DMD: variants seen among roughly 807,000 people sequenced by gnomAD.
DMD encodes dystrophin, also known as mutant dystrophin.
A neutral mutation model predicts 330.1 loss-of-function variants in DMD; 63 were observed. The observed-to-expected ratio is 0.19, with a 90% CI of 0.16 to 0.24. DMD has a LOEUF of 0.24. DMD is among the 10% of genes least tolerant of loss of function. The pLI is 1.00. For synonymous variants in DMD, 1,223 were observed against 959.8 expected, an observed-to-expected ratio of 1.27 and a Z score of -5.07; for missense variants, 3,344 against 2,684.1, an observed-to-expected ratio of 1.25 and a Z score of -5.43.
At chrX:32,562,757 G>A (rs2051172760) in intron 16 of DMD, among the ~76,000 whole-genome samples, 1 of 111,658 alleles carries the variant, frequency 9.0e-6, no homozygotes, top group Admixed American at 9.6e-5. Flanking sequence ...AAGAAAATCA[G>A]TTGCTCTTAT....
At chrX:33,292,961 C>T (rs1454981003) in intron 1 of DMD, among the ~76,000 whole-genome samples, 1 of 110,310 alleles carries the variant, frequency 9.1e-6, no homozygotes, top group Admixed American at 9.7e-5. Flanking sequence ...TTCTGTTATC[C>T]AGATCATCAC....
At chrX:33,197,760 T>A (rs190866063) in intron 1 of DMD, among the ~76,000 whole-genome samples, 240 of 111,610 alleles carry the variant, frequency 2.2e-3, no homozygotes, top group African/African-American at 7.3e-3. Context: ...GAATATTGAG[T>A]ATCAGTAGTT....
chrX:31,708,093 T>C (rs1255684836), intron 52 of DMD, among the ~76,000 whole-genome samples: 1 of 112,071 alleles, frequency 8.9e-6, no homozygotes, highest in Non-Finnish European at 1.9e-5. Flanking sequence ...TAAAAATAGA[T>C]GTTTATATTT....
chrX:32,033,233 C>T (rs980509831), intron 44 of DMD, among the ~76,000 whole-genome samples: 5 of 110,401 alleles, frequency 4.5e-5, no homozygotes, highest in African/African-American at 1.6e-4. Context: ...GGGGATAGGG[C>T]GAAATAGGAA....
chrX:31,527,098 G>A (rs1440242410), intron 55 of DMD, among the ~76,000 whole-genome samples: 2 of 111,431 alleles, frequency 1.8e-5, no homozygotes, highest in Non-Finnish European at 3.8e-5. Flanking sequence ...CTGGGTGACA[G>A]GGTATGACCC....
chrX:32,531,150 G>C (rs999211690), intron 17 of DMD, among the ~76,000 whole-genome samples: 12 of 111,570 alleles, frequency 1.1e-4, no homozygotes, highest in Admixed American at 1.1e-3. Context: ...AGATAAAATA[G>C]TGTACAAATA....
intron 1 of DMD, among the ~76,000 whole-genome samples, chrX:33,145,886 CTTTA>C (rs773923377): frequency 0.01 from 1,130 of 109,425 alleles, 8 homozygotes; most frequent in Non-Finnish European, 0.017. Flanking sequence ...TTCTTTTTTC[CTTTA>C]TTTATTTATT....
chrX:31,258,541 G>T (rs1022646447), intron 63 of DMD, among the ~76,000 whole-genome samples: 1 of 112,546 alleles, frequency 8.9e-6, no homozygotes, highest in Non-Finnish European at 1.9e-5. Flanking sequence ...GGCTGGAATT[G>T]ATCACACACT....
intron 2 of DMD, among the ~76,000 whole-genome samples, chrX:32,980,117 G>A (rs184568060): frequency 2.1e-3 from 231 of 110,645 alleles, no homozygotes; most frequent in African/African-American, 6.9e-3. Flanking sequence ...TGTAATCCCA[G>A]CACTTTGGGA....
At chrX:32,415,752 C>T (rs1181706868) in intron 29 of DMD, among the ~76,000 whole-genome samples, 1 of 111,328 alleles carries the variant, frequency 9.0e-6, no homozygotes, top group East Asian at 2.8e-4. Context: ...TAATAACTGG[C>T]GATCAATGAC....
At chrX:32,315,769 C>T (rs1410029351) in intron 41 of DMD, among the ~76,000 whole-genome samples, 2 of 111,353 alleles carry the variant, frequency 1.8e-5, no homozygotes. Context: ...AACAAATATT[C>T]TTCAGAACAT....
chrX:32,357,197 G>A (rs889758103), intron 37 of DMD, among the ~76,000 whole-genome samples: 3 of 111,949 alleles, frequency 2.7e-5, no homozygotes, highest in Non-Finnish European at 5.6e-5. Context: ...CCTATTATTG[G>A]AATTTATATG....
chrX:33,008,937 CACACGTATATAT>C, intron 2 of DMD, among the ~76,000 whole-genome samples: 1 of 90,980 alleles, frequency 1.1e-5, no homozygotes, highest in African/African-American at 3.9e-5. Flanking sequence ...TGTATATATA[CACACGTATATAT>C]ACGTATATAT....
chrX:32,717,129 G>A (rs1466988008), intron 7 of DMD, among the ~76,000 whole-genome samples: 1 of 111,557 alleles, frequency 9.0e-6, no homozygotes, highest in African/African-American at 3.3e-5. Flanking sequence ...GCTGTCTGCG[G>A]AAATTTGCAT....
At chrX:32,292,435 G>C (rs749382790) in intron 42 of DMD, among the ~76,000 whole-genome samples, 36 of 105,839 alleles carry the variant, frequency 3.4e-4, no homozygotes, top group Non-Finnish European at 5.6e-4. Context: ...CTCCTCCCGA[G>C]TAGCTGGGAC....
intron 54 of DMD, among the ~76,000 whole-genome samples, chrX:31,649,562 C>T (rs1322008031): frequency 9.1e-6 from 1 of 110,360 alleles, no homozygotes; most frequent in Non-Finnish European, 1.9e-5. Flanking sequence ...TTATATTACC[C>T]TACTGTAGAA....
At chrX:31,618,940 G>C (rs2078372027) in intron 55 of DMD, among the ~76,000 whole-genome samples, 1 of 111,088 alleles carries the variant, frequency 9.0e-6, no homozygotes, top group Admixed American at 9.6e-5. Flanking sequence ...TTTTGGATAA[G>C]GGATACTCAA....
chrX:32,540,002 G>C (rs982112906), intron 17 of DMD, among the ~76,000 whole-genome samples: 1 of 111,340 alleles, frequency 9.0e-6, no homozygotes, highest in African/African-American at 3.3e-5. Flanking sequence ...TTTACTTGGG[G>C]GAAATTATCT....
At chrX:33,030,157 T>C (rs888653796) in intron 1 of DMD, among the ~76,000 whole-genome samples, 1 of 111,541 alleles carries the variant, frequency 9.0e-6, no homozygotes, top group Non-Finnish European at 1.9e-5. Context: ...GAGAAAAAAA[T>C]AGACAAAACC....
Sources: allele counts gnomAD v4.1 joint callset (sites outside exome capture counted in the v4.1 genomes callset), GRCh38; gene constraint gnomAD v4.1.1; transcripts MANE v1.5; gene names NCBI Gene and HGNC (gene_info 2026-07-23, HGNC 2026-07-21).